Variants in RAPGEF6 observed in about 807,000 individuals in gnomAD.
RAPGEF6 encodes the protein PDZ domain containing guanine nucleotide exchange factor (GEF) 2.
RAPGEF6 carries 56 observed loss-of-function variants against 171.4 expected under a neutral mutation model. The ratio of observed to expected loss-of-function variants is 0.33; its 90% CI spans 0.26 to 0.41. The LOEUF (loss-of-function observed/expected upper bound fraction) is 0.41, where lower values mean the gene tolerates loss of function less well. Among genes scored for constraint, RAPGEF6 ranks in the 10% least tolerant of loss-of-function variants. The probability of loss-of-function intolerance (pLI) is 1.00; values close to 1 mark genes in which losing one functional copy is unlikely to be tolerated. For synonymous variants in RAPGEF6, 692 were observed against 650.1 expected, an observed-to-expected ratio of 1.06 and a Z score of -0.98; for missense variants, 1,674 against 1,921.4, an observed-to-expected ratio of 0.87 and a Z score of 2.41.
chr5:131,547,310 T>C (rs1022474372), intron 6 of RAPGEF6, among the ~76,000 whole-genome samples: 1 of 152,148 alleles, frequency 6.6e-6, no homozygotes, highest in Non-Finnish European at 1.5e-5. Flanking sequence ...TTTTAACAAA[T>C]GCAAACAAGA....
intron 27 of RAPGEF6, among the ~76,000 whole-genome samples, chr5:131,428,293 G>T (rs1315363115): frequency 6.6e-6 from 1 of 152,054 alleles, no homozygotes; most frequent in Non-Finnish European, 1.5e-5. Context: ...TGCACCTGTA[G>T]TCCCAGCTAC....
chr5:131,588,746 A>AAAC (rs368837789), intron 4 of RAPGEF6, among the ~76,000 whole-genome samples: 3,933 of 151,816 alleles, frequency 0.026, 157 homozygotes, highest in African/African-American at 0.089. Context: ...CCGTCTTAAA[A>AAAC]AACAACAACA....
intron 11 of RAPGEF6, 150 bp from the exon 12 acceptor site, chr5:131,498,757 G>A: frequency 1.4e-6 from 1 of 709,552 alleles, no homozygotes. Flanking sequence ...TGGGAGAATT[G>A]GAATGCAAAC....
rs186055160 is a variant in RAPGEF6 at position 131,548,335 on chromosome 5, C to T, written c.352-145G>A. ...AGAAAACAGTCTGTATAGCACAACG[C>T]TCATGAGTTAAAGATTAGAGGTGAT... On this transcript the variant is annotated intron_variant, in intron 5 of 27. Coordinates refer to ENST00000509018, the MANE Select transcript of RAPGEF6 (RefSeq NM_016340.6). 72 of 728,826 alleles carry T rather than the reference C, an allele frequency of 9.9e-5. No homozygotes were observed. The African/African-American group carries it at 1.0e-3, about 10-fold the overall frequency. The allele number at this position is 728,826 out of a possible 1,614,324, so 45.1% of individuals were successfully genotyped here. A position where few individuals can be genotyped will look rare whatever the true frequency, so the allele number is the denominator to read the frequency against.
chr5:131,605,223 C>T (rs1429274283), intron 1 of RAPGEF6, among the ~76,000 whole-genome samples: 1 of 152,174 alleles, frequency 6.6e-6, no homozygotes, highest in Admixed American at 6.5e-5. Context: ...CTCTATTCCT[C>T]ACCCAGATAA....
intron 7 of RAPGEF6, among the ~76,000 whole-genome samples, chr5:131,511,087 G>A (rs1757687238): frequency 6.6e-6 from 1 of 152,086 alleles, no homozygotes; most frequent in Non-Finnish European, 1.5e-5. Context: ...TGTGCAAAGA[G>A]CTGTGATTTT....
At chr5:131,542,731 G>C (rs186132672) in intron 6 of RAPGEF6, among the ~76,000 whole-genome samples, 9 of 152,184 alleles carry the variant, frequency 5.9e-5, no homozygotes, top group Non-Finnish European at 7.4e-5. Context: ...TGTGAAAGTA[G>C]GTCTTGAGAC....
chr5:131,440,737 C>CAAAAA (rs1168441695), intron 23 of RAPGEF6, among the ~76,000 whole-genome samples: 71 of 66,696 alleles, frequency 1.1e-3, no homozygotes, highest in Non-Finnish European at 1.6e-3. Context: ...GACTCTGTCT[C>CAAAAA]AAAAAAAAAA....
intron 4 of RAPGEF6, among the ~76,000 whole-genome samples, chr5:131,577,624 T>C (rs569171158): frequency 1.3e-5 from 2 of 152,282 alleles, no homozygotes; most frequent in East Asian, 1.9e-4. Flanking sequence ...AAGAATCTGA[T>C]CCCTCAAACT....
intron 6 of RAPGEF6, among the ~76,000 whole-genome samples, chr5:131,522,592 ATAATGGTATGT>A (rs1445653245): frequency 2.6e-5 from 4 of 152,332 alleles, no homozygotes; most frequent in African/African-American, 9.6e-5. Flanking sequence ...TCCCCTGCTG[ATAATGGTATGT>A]TAGATAATTC....
chr5:131,603,225 T>A lies in RAPGEF6; in HGVS notation c.197+46A>T, dbSNP rs1288485723. 6.7e-6 allele frequency: 9 copies of A among 1,350,400 alleles called. No individual in the cohort carries two copies. In the Admixed American group the frequency reaches 8.4e-5, roughly 13 times the overall value. 83.7% of individuals were successfully genotyped at this position (1,350,400 alleles called of 1,614,324 possible). ...GAATTTCAATGCTAAGAGTTAAAATTTAAACATAAAAGTCATTAGTTTATG... is the reference window on the plus strand; with the variant it reads ...GAATTTCAATGCTAAGAGTTAAAATATAAACATAAAAGTCATTAGTTTATG... On this transcript the variant is annotated intron_variant, in intron 3 of 27. Transcript: ENST00000509018.
chr5:131,561,659 T>C (rs1761609195), intron 5 of RAPGEF6, among the ~76,000 whole-genome samples: 1 of 47,530 alleles, frequency 2.1e-5, no homozygotes, highest in Admixed American at 2.7e-4. Flanking sequence ...AAACTCTGTC[T>C]CAAAAAAAAA....
chr5:131,574,750 A>C (rs1476304384), intron 4 of RAPGEF6, among the ~76,000 whole-genome samples: 1 of 151,416 alleles, frequency 6.6e-6, no homozygotes, highest in East Asian at 1.9e-4. Context: ...CTCCCTCCCT[A>C]CCTTAATCCA....
intron 14 of RAPGEF6, among the ~76,000 whole-genome samples, chr5:131,490,149 C>T (rs779528190): frequency 1.1e-4 from 17 of 152,298 alleles, no homozygotes; most frequent in Non-Finnish European, 2.1e-4. Flanking sequence ...ATGGGTTCTT[C>T]TTCCAGGTAA....
At chr5:131,620,876 CAA>C (rs1382426192) in intron 1 of RAPGEF6, among the ~76,000 whole-genome samples, 1 of 152,164 alleles carries the variant, frequency 6.6e-6, no homozygotes. Flanking sequence ...ACAGGCATGA[CAA>C]ACCATGCCCA....
chr5:131,570,310 C>A (rs1370237075), intron 4 of RAPGEF6, among the ~76,000 whole-genome samples: 1 of 151,996 alleles, frequency 6.6e-6, no homozygotes, highest in South Asian at 2.1e-4. Context: ...TAAATATACA[C>A]CAGAATGGCA....
At chr5:131,433,699 G>A (rs746809148) in intron 24 of RAPGEF6, 41 bp from the exon 25 acceptor site, 1 of 1,438,968 alleles carries the variant, frequency 6.9e-7, no homozygotes, top group Non-Finnish European at 9.7e-7. Flanking sequence ...CAAAAAAAGG[G>A]AACATATGGT....
intron 6 of RAPGEF6, among the ~76,000 whole-genome samples, chr5:131,534,660 C>T (rs1358759027): frequency 6.7e-6 from 1 of 149,702 alleles, no homozygotes; most frequent in Non-Finnish European, 1.5e-5. Flanking sequence ...TGGAATTCCA[C>T]TTGATACTTA....
chr5:131,576,003 T>C (rs144372811), intron 4 of RAPGEF6, among the ~76,000 whole-genome samples: 1 of 152,192 alleles, frequency 6.6e-6, no homozygotes, highest in Non-Finnish European at 1.5e-5. Context: ...ACTTGAAGCA[T>C]ATACTTTCTG....
Sources: gnomAD v4.1 joint callset for allele counts (sites outside exome capture counted in the v4.1 genomes callset) on GRCh38, gnomAD v4.1.1 for gene constraint, MANE v1.5 for transcripts, NCBI Gene and HGNC (gene_info 2026-07-23, HGNC 2026-07-21) for gene names.